Variants in EPHA3 observed in about 807,000 individuals in gnomAD.
The protein encoded by EPHA3 is ephrin type-A receptor 3.
Under a neutral mutation model 107.1 loss-of-function variants are expected in EPHA3, and 42 were observed. The ratio of observed to expected loss-of-function variants is 0.39; its 90% CI spans 0.31 to 0.51. The LOEUF (loss-of-function observed/expected upper bound fraction) is 0.51. Ranked by LOEUF, EPHA3 falls within the 20% of genes least tolerant of loss-of-function variation. The probability of loss-of-function intolerance (pLI) is 0.78; values close to 1 mark genes in which losing one functional copy is unlikely to be tolerated. For missense variants in EPHA3, 1,183 were observed against 1,211.2 expected, an observed-to-expected ratio of 0.98 and a Z score of 0.35; for synonymous variants, 461 against 424.8, an observed-to-expected ratio of 1.09 and a Z score of -1.05.
At chr3:89,403,835 G>A (rs1256138844) in intron 7 of EPHA3, among the ~76,000 whole-genome samples, 1 of 152,156 alleles carries the variant, frequency 6.6e-6, no homozygotes, top group African/African-American at 2.4e-5. Flanking sequence ...TAACTCATGA[G>A]ATTTTAATGT....
rs59488710 is a variant in EPHA3, at chr3:89,280,025, CTGTGTGTG to C, written c.815-60864_815-60857del. Among the ~76,000 whole-genome samples the C allele has an allele frequency of 1.7e-3, 239 of 144,768 alleles. 2 individuals carry two copies. Among genetic ancestry groups the C allele is most frequent in the Non-Finnish European group, 7.2e-4 (47 of 65,376 alleles). 95.0% of individuals were successfully genotyped at this position (144,768 alleles called of 152,430 possible). Reference sequence around the variant, plus strand: ...ATGTTTCAACAATTCTTGTGTGCACCTGTGTGTGTGTGTGTGTGTGTGTGTGTGTGTGT... The same window carrying C: ...ATGTTTCAACAATTCTTGTGTGCACCTGTGTGTGTGTGTGTGTGTGTGTGT... On this transcript the variant is annotated intron_variant, in intron 3 of 16. Transcript: ENST00000336596.
At chr3:89,224,466 T>C (rs1245597370) in intron 3 of EPHA3, among the ~76,000 whole-genome samples, 1 of 152,156 alleles carries the variant, frequency 6.6e-6, no homozygotes. Flanking sequence ...AAGAAAGTAA[T>C]AAGAAGGTAA....
At chr3:89,264,883 T>C (rs1172670859) in intron 3 of EPHA3, among the ~76,000 whole-genome samples, 3 of 152,192 alleles carry the variant, frequency 2.0e-5, no homozygotes, top group Non-Finnish European at 4.4e-5. Flanking sequence ...AGAATATTAA[T>C]GAAATGAAAA....
chr3:89,133,627 A>C lies in EPHA3; in HGVS notation c.153+6354A>C, dbSNP rs538539449. Among the ~76,000 whole-genome samples the C allele has an allele frequency of 5.3e-5, 8 of 152,322 alleles. No homozygotes were observed. The East Asian group carries it at 1.5e-3, about 29-fold the overall frequency. ...TATGGCAGATGAGGCAAAACTATGT[A>C]GCCCAATTTGTTCAACTTTTGAAGC... On this transcript the variant is annotated intron_variant, in intron 2 of 16. Transcript: ENST00000336596.
intron 3 of EPHA3, among the ~76,000 whole-genome samples, chr3:89,276,165 C>A (rs1168707349): frequency 6.6e-6 from 1 of 152,054 alleles, no homozygotes; most frequent in Non-Finnish European, 1.5e-5. Context: ...CAGGTAATTT[C>A]TCCCCCAGAA....
Position 89,399,385 on chromosome 3 carries a change from A to AG in EPHA3, c.1500dup (p.Pro501AlafsTer2). ...ACAAATGTTACCATCAGTAGCCTCAAGCCTGACACTATATACGTATTCCAA... is the reference window on the plus strand; with the variant it reads ...ACAAATGTTACCATCAGTAGCCTCAAGGCCTGACACTATATACGTATTCCAA... On this transcript the variant is annotated frameshift_variant, in exon 7 of 17. Transcript: ENST00000336596. LOFTEE classifies it high-confidence loss of function. The AG allele has an allele frequency of 6.2e-7, 1 of 1,614,166 alleles. No individual in the cohort carries two copies. The highest frequency in any genetic ancestry group is 8.5e-7 in the Non-Finnish European group (1 of 1,180,012).
At chr3:89,220,893 T>C (rs112030442) in intron 3 of EPHA3, among the ~76,000 whole-genome samples, 1 of 152,302 alleles carries the variant, frequency 6.6e-6, no homozygotes, top group Non-Finnish European at 1.5e-5. Context: ...ATTTCTTTCC[T>C]TTAGCATGTG....
intron 1 of EPHA3, among the ~76,000 whole-genome samples, chr3:89,121,091 C>G (rs1707370444): frequency 1.3e-5 from 2 of 151,966 alleles, no homozygotes; most frequent in Non-Finnish European, 2.9e-5. Flanking sequence ...ACAAAATTAG[C>G]CAGGCGTGGT....
chr3:89,359,760 C>CACATATACACACAT (rs1559663594), intron 5 of EPHA3, among the ~76,000 whole-genome samples: 1 of 137,262 alleles, frequency 7.3e-6, no homozygotes, highest in Non-Finnish European at 1.6e-5. Context: ...CATATATACA[C>CACATATACACACAT]ATATATACAC....
chr3:89,326,209 G>A (rs180909017), intron 3 of EPHA3, among the ~76,000 whole-genome samples: 2 of 152,066 alleles, frequency 1.3e-5, no homozygotes, highest in East Asian at 3.9e-4. Flanking sequence ...ATCCATGGAT[G>A]CTCAAGTCCC....
chr3:89,283,525 G>A (rs1246393424), intron 3 of EPHA3, among the ~76,000 whole-genome samples: 2 of 152,018 alleles, frequency 1.3e-5, no homozygotes, highest in African/African-American at 2.4e-5. Context: ...TCTAAAATGC[G>A]ACAACTCTTT....
At chr3:89,167,708 A>G (rs1179851191) in intron 2 of EPHA3, among the ~76,000 whole-genome samples, 2 of 152,140 alleles carry the variant, frequency 1.3e-5, no homozygotes, top group Non-Finnish European at 2.9e-5. Flanking sequence ...TATAGGGAGT[A>G]TCTGAGGACT....
intron 1 of EPHA3, among the ~76,000 whole-genome samples, chr3:89,113,085 G>C (rs1323534947): frequency 6.6e-6 from 1 of 152,072 alleles, no homozygotes; most frequent in Non-Finnish European, 1.5e-5. Context: ...AAGTACACAA[G>C]TAGCTTTCCA....
At chr3:89,340,874 A>C (rs747803011) in intron 3 of EPHA3, 42 bp from the exon 4 acceptor site, 1 of 1,515,754 alleles carries the variant, frequency 6.6e-7, no homozygotes, top group Non-Finnish European at 8.8e-7. Context: ...ATTTTCAAAA[A>C]AATTATCACA....
intron 2 of EPHA3, among the ~76,000 whole-genome samples, chr3:89,158,909 T>A (rs1453863056): frequency 6.6e-6 from 1 of 152,238 alleles, no homozygotes; most frequent in Admixed American, 6.6e-5. Context: ...AAAGAAAAAA[T>A]TCCTATGCAT....
intron 3 of EPHA3, among the ~76,000 whole-genome samples, chr3:89,292,412 G>C (rs1706233462): frequency 6.6e-6 from 1 of 152,114 alleles, no homozygotes; most frequent in Non-Finnish European, 1.5e-5. Context: ...TTTTATATAA[G>C]GGACTGGACA....
chr3:89,258,093 T>A (rs185964167), intron 3 of EPHA3, among the ~76,000 whole-genome samples: 5 of 152,316 alleles, frequency 3.3e-5, no homozygotes, highest in African/African-American at 1.2e-4. Context: ...CAGTAGGAAG[T>A]ACACAATTAC....
At chr3:89,405,857 T>C (rs949007660) in intron 7 of EPHA3, among the ~76,000 whole-genome samples, 21 of 152,102 alleles carry the variant, frequency 1.4e-4, no homozygotes, top group African/African-American at 4.8e-4. Context: ...TTAGGATGCT[T>C]ATGGAGTTTG....
In EPHA3 at chr3:89,314,417, G is replaced by C. The variant is rs575127999; in HGVS notation, c.815-26499G>C. Among the ~76,000 whole-genome samples the C allele has an allele frequency of 2.0e-5, 3 of 151,922 alleles. No homozygotes were observed. In the South Asian group the frequency reaches 6.2e-4, roughly 32 times the overall value. ...TTTTTTCAAACAAAGATCTTTAATA[G>C]TGTGGGAATCAATGCTAATGTGATA... On this transcript the variant is annotated intron_variant, in intron 3 of 16. Transcript: ENST00000336596.
Sources: allele counts gnomAD v4.1 joint callset (sites outside exome capture counted in the v4.1 genomes callset), GRCh38; gene constraint gnomAD v4.1.1; transcripts MANE v1.5; gene names NCBI Gene and HGNC (gene_info 2026-07-23, HGNC 2026-07-21).